The following HTATIP2 variants were observed in gnomAD, a reference collection of about 807,000 sequenced individuals.
The protein encoded by HTATIP2 is HIV-1 Tat interactive protein 2.
In HTATIP2, 26 loss-of-function variants were observed where a neutral mutation model predicts 24.7. That is an observed-to-expected ratio of 1.05 (90% CI 0.77 to 1.46). HTATIP2 has a LOEUF of 1.46. HTATIP2 is among the 40% of genes most tolerant of loss of function. The pLI is 0.00. For synonymous variants in HTATIP2, 99 were observed against 113.2 expected (o/e 0.87, Z 0.79); for missense variants, 284 against 289.6 (o/e 0.98, Z 0.14).
intron 2 of HTATIP2, 67 bp from the exon 3 acceptor site, chr11:20,376,513 C>G (rs2133274552): frequency 6.4e-7 from 1 of 1,573,844 alleles, no homozygotes; most frequent in Non-Finnish European, 8.7e-7. Context: ...GCTACCCAAG[C>G]CAAGTAGTAA....
At chr11:20,366,435 C>G (rs2064707561) in intron 1 of HTATIP2, among the ~76,000 whole-genome samples, 1 of 152,042 alleles carries the variant, frequency 6.6e-6, no homozygotes, top group Non-Finnish European at 1.5e-5. Flanking sequence ...AAATTCTTTT[C>G]AGAGTTGACA....
intron 2 of HTATIP2, 68 bp downstream of exon 2, chr11:20,367,349 C>G (rs762550330): frequency 1.5e-5 from 24 of 1,609,870 alleles, no homozygotes; most frequent in East Asian, 2.2e-5. Flanking sequence ...TTCTTGCTCA[C>G]TCTTTTTCTT....
At position 20,363,858 on chromosome 11, in the gene HTATIP2, C is replaced by G; in HGVS notation, c.-380C>G. On this transcript the variant is annotated 5_prime_UTR_variant, in exon 1 of 5. Coordinates refer to ENST00000451739, the MANE Select transcript of HTATIP2 (RefSeq NM_001098522.2). ...AGCGCGGCGGCGGCGGCTGCTCTGGCGGCCGCCCTGCTCCTGCTGCGTCGT... is the reference window on the plus strand; with the variant it reads ...AGCGCGGCGGCGGCGGCTGCTCTGGGGGCCGCCCTGCTCCTGCTGCGTCGT... 1 of 1,244,946 alleles carries G rather than the reference C, an allele frequency of 8.0e-7. No homozygotes were observed. The highest frequency in any genetic ancestry group is 1.0e-6 in the Non-Finnish European group (1 of 991,340). 77.1% of individuals were successfully genotyped at this position (1,244,946 alleles called of 1,614,324 possible).
intron 2 of HTATIP2, among the ~76,000 whole-genome samples, chr11:20,370,476 A>G (rs1016017509): frequency 2.2e-4 from 33 of 152,188 alleles, no homozygotes; most frequent in African/African-American, 7.5e-4. Context: ...TGTTGAGTGG[A>G]TGATGTCATT....
chr11:20,381,167 G>C (rs1429033576), intron 3 of HTATIP2, among the ~76,000 whole-genome samples: 2 of 152,144 alleles, frequency 1.3e-5, no homozygotes, highest in African/African-American at 4.8e-5. Flanking sequence ...GGCCAAGCGC[G>C]GTGGCTCTCG....
Position 20,382,229 on chromosome 11 carries a change from T to C in HTATIP2, c.493T>C (p.Phe165Leu). Residue 165 changes from phenylalanine to leucine, a missense_variant, in exon 4 of 5, where the codon TTT becomes CTT. Phe to Leu is a conservative substitution (Grantham distance 22, BLOSUM62 0). Coordinates refer to ENST00000451739, the MANE Select transcript of HTATIP2 (RefSeq NM_001098522.2). Reference protein sequence around the residue: ...EELKFDRYSVFRPGVLLCDRQ... With the variant: ...EELKFDRYSVLRPGVLLCDRQ... ...ATTAAAATTTGATCGTTACTCTGTA[T>C]TTAGGCCTGGGTAAGTATAATATTT... 1.9e-6 allele frequency: 3 copies of C among 1,570,962 alleles called. No homozygotes were observed. The highest frequency in any genetic ancestry group is 2.6e-6 in the Non-Finnish European group (3 of 1,140,766).
chr11:20,380,532 C>T (rs1305366342), intron 3 of HTATIP2, among the ~76,000 whole-genome samples: 3 of 151,876 alleles, frequency 2.0e-5, no homozygotes, highest in Non-Finnish European at 4.4e-5. Flanking sequence ...ATTAGCCGGG[C>T]GTGATGGCAG....
Position 20,383,219 on chromosome 11 carries a change from A to C in HTATIP2, c.*14A>C, listed in dbSNP as rs777165692. ...CTCAAGCCATGACCACATTGGAGAAATGGTTTTTATTGTCAACCTTAACAC... is the reference window on the plus strand; with the variant it reads ...CTCAAGCCATGACCACATTGGAGAACTGGTTTTTATTGTCAACCTTAACAC... On this transcript the variant is annotated 3_prime_UTR_variant, in exon 5 of 5. Transcript: ENST00000451739. 1.9e-6 allele frequency: 3 copies of C among 1,594,064 alleles called. No individual in the cohort carries two copies. In the Admixed American group the frequency reaches 5.1e-5, roughly 27 times the overall value.
At chr11:20,377,822 C>T (rs60477810) in intron 3 of HTATIP2, among the ~76,000 whole-genome samples, 14,115 of 152,214 alleles carry the variant, frequency 0.093, 830 homozygotes, top group Admixed American at 0.17. Flanking sequence ...AACAAAAATA[C>T]GTCCAGTCTT....
Position 20,371,810 on chromosome 11 carries a change from T to C in HTATIP2, c.303+4529T>C, listed in dbSNP as rs528697570. Among the ~76,000 whole-genome samples the C allele has an allele frequency of 3.9e-5, 6 of 152,256 alleles. No individual in the cohort carries two copies. In the East Asian group the frequency reaches 1.2e-3, roughly 29 times the overall value. ...GAAAACTTTTTCAAGAACATATAGA[T>C]TGACCCAGGAATCCTCAGTATCTGC... On this transcript the variant is annotated intron_variant, in intron 2 of 4. Coordinates refer to ENST00000451739, the MANE Select transcript of HTATIP2 (RefSeq NM_001098522.2).
rs1161230646 is a variant in HTATIP2 at position 20,365,970 on chromosome 11, CAAA to C, written c.196-1187_196-1185del. Among the ~76,000 whole-genome samples the C allele has an allele frequency of 4.2e-3, 410 of 96,742 alleles. 1 individual carries two copies. The highest frequency in any genetic ancestry group is 6.1e-3 in the Non-Finnish European group (284 of 46,364). The allele number at this position is 96,742 out of a possible 152,430, so 63.5% of individuals were successfully genotyped here. A position where few individuals can be genotyped will look rare whatever the true frequency, so the allele number is the denominator to read the frequency against. On this transcript the variant is annotated intron_variant, in intron 1 of 4. Transcript: ENST00000451739. ...TGGGTGACAGAGCGAGACTCTGTCT[CAAA>C]AAAAAAAAAAAAAAAAGAAAAGAAA... is the stretch of plus-strand genomic sequence containing the variant.
chr11:20,376,502 T>C, intron 2 of HTATIP2, 78 bp from the exon 3 acceptor site: 12 of 1,526,862 alleles, frequency 7.9e-6, no homozygotes, highest in Non-Finnish European at 1.0e-5. Flanking sequence ...CCTCCCAGCC[T>C]GCTACCCAAG....
chr11:20,366,175 C>A (rs2064703682), intron 1 of HTATIP2, among the ~76,000 whole-genome samples: 1 of 140,018 alleles, frequency 7.1e-6, no homozygotes, highest in African/African-American at 2.7e-5. Context: ...GATCTCAGCT[C>A]ACTGCAAGCT....
chr11:20,364,390 C>T lies in HTATIP2; in HGVS notation c.153C>T (p.Gly51=). 1 of 1,610,252 alleles carries T rather than the reference C, an allele frequency of 6.2e-7. No individual in the cohort carries two copies. The highest frequency in any genetic ancestry group is 8.5e-7 in the Non-Finnish European group (1 of 1,177,312). Residue 51 remains glycine, a synonymous_variant, in exon 1 of 5, where the codon GGC becomes GGT. Transcript: ENST00000451739. ...TGTTTTCCAAAGTCACGCTCATTGGCCGGAGGAAGCTCACCTTCGACGAGG... is the reference window on the plus strand; with the variant it reads ...TGTTTTCCAAAGTCACGCTCATTGGTCGGAGGAAGCTCACCTTCGACGAGG... The part of the protein sequence containing the change: ...QGLFSKVTLI[G]RRKLTFDEEA...
chr11:20,379,740 A>G (rs1054864871), intron 3 of HTATIP2, among the ~76,000 whole-genome samples: 1 of 152,108 alleles, frequency 6.6e-6, no homozygotes, highest in Admixed American at 6.6e-5. Flanking sequence ...ATTCAGGGTG[A>G]AGGTATACTT....
At position 20,363,973 on chromosome 11, in the gene HTATIP2, G is replaced by A. The variant is rs953716163; in HGVS notation, c.-265G>A. On this transcript the variant is annotated 5_prime_UTR_variant, in exon 1 of 5. It adds an upstream start codon to the 5' untranslated region. Transcript: ENST00000451739. ...GTCTCCTGGCCGGGCCGGGGATACC[G>A]TGGGGTATGCCCAGTGATGCCAGCA... is the stretch of plus-strand genomic sequence containing the variant. The A allele has an allele frequency of 2.4e-6, 3 of 1,245,192 alleles. No individual in the cohort carries two copies. The highest frequency in any genetic ancestry group is 3.0e-6 in the Non-Finnish European group (3 of 993,402). 77.1% of individuals were successfully genotyped at this position (1,245,192 alleles called of 1,614,324 possible).
At chr11:20,380,894 T>C (rs1481013783) in intron 3 of HTATIP2, among the ~76,000 whole-genome samples, 1 of 152,140 alleles carries the variant, frequency 6.6e-6, no homozygotes, top group African/African-American at 2.4e-5. Flanking sequence ...CTTGAAAATA[T>C]TATGCTAAGT....
intron 3 of HTATIP2, among the ~76,000 whole-genome samples, chr11:20,378,348 G>A (rs1052829127): frequency 6.6e-6 from 1 of 151,970 alleles, no homozygotes; most frequent in Non-Finnish European, 1.5e-5. Context: ...CTGTCACCCA[G>A]GTTGAAGTGC....
intron 2 of HTATIP2, among the ~76,000 whole-genome samples, chr11:20,374,849 T>C (rs1402895957): frequency 1.3e-5 from 2 of 152,200 alleles, no homozygotes; most frequent in African/African-American, 4.8e-5. Context: ...TTTTTTGTTG[T>C]TGTTGTTTTA....
Sources: allele counts gnomAD v4.1 joint callset (sites outside exome capture counted in the v4.1 genomes callset), GRCh38; gene constraint gnomAD v4.1.1; transcripts MANE v1.5; gene names NCBI Gene and HGNC (gene_info 2026-07-23, HGNC 2026-07-21).